The following SERGEF variants were observed in gnomAD, a reference collection of about 807,000 sequenced individuals.
SERGEF encodes the protein secretion-regulating guanine nucleotide exchange factor.
A neutral mutation model predicts 50.0 loss-of-function variants in SERGEF; 51 were observed. The ratio of observed to expected loss-of-function variants is 1.02; its 90% CI spans 0.81 to 1.29. The LOEUF (loss-of-function observed/expected upper bound fraction) is 1.29. Ranked by LOEUF, SERGEF falls within the 50% of genes most tolerant of loss-of-function variation. SERGEF has a pLI of 0.00. For missense variants in SERGEF, 521 were observed against 557.0 expected, an observed-to-expected ratio of 0.94 and a Z score of 0.65; for synonymous variants, 205 against 212.4, an observed-to-expected ratio of 0.97 and a Z score of 0.30.
intron 9 of SERGEF, among the ~76,000 whole-genome samples, chr11:17,906,620 G>A (rs1216218609): frequency 6.6e-6 from 1 of 152,098 alleles, no homozygotes; most frequent in Non-Finnish European, 1.5e-5. Flanking sequence ...GGTACAGGAG[G>A]CCTGTTTCCT....
Position 17,991,275 on chromosome 11 carries a change from A to C in SERGEF, c.685+1656T>G, listed in dbSNP as rs1853707246. 2.0e-5 allele frequency among the ~76,000 whole-genome samples: 3 copies of C among 152,190 alleles called. No homozygotes were observed. Reference sequence around the variant, plus strand: ...TAATTAAAATATTCAACATTTATATATAAATAACACCATAATAAAAGTGCC... The same window carrying C: ...TAATTAAAATATTCAACATTTATATCTAAATAACACCATAATAAAAGTGCC... On this transcript the variant is annotated intron_variant, in intron 7 of 10. Coordinates refer to ENST00000265965, the MANE Select transcript of SERGEF (RefSeq NM_012139.4). This position sits in a 1 kb window ranked among gnomAD's most constrained non-coding sequence, Gnocchi z 4.9.
Position 17,885,629 on chromosome 11 carries a change from T to C in SERGEF, c.1012-7385A>G, listed in dbSNP as rs1255418462. ...ATGACCCACCGTACATGCATGGGCA[T>C]GATCTGATTTTTTTTTTAATTAAAG... On this transcript the variant is annotated intron_variant, in intron 9 of 10. Coordinates refer to ENST00000265965, the MANE Select transcript of SERGEF (RefSeq NM_012139.4). 3.3e-5 allele frequency among the ~76,000 whole-genome samples: 5 copies of C among 151,748 alleles called. No homozygotes were observed. The East Asian group carries it at 6.0e-4, about 18-fold the overall frequency.
At chr11:17,849,068 C>A (rs117950574) in intron 10 of SERGEF, among the ~76,000 whole-genome samples, 199 of 152,282 alleles carry the variant, frequency 1.3e-3, no homozygotes, top group Non-Finnish European at 2.3e-3. Flanking sequence ...CCAATCAATT[C>A]TAAGTATTTT....
At chr11:17,825,866 C>T (rs1246706199) in intron 10 of SERGEF, among the ~76,000 whole-genome samples, 3 of 152,152 alleles carry the variant, frequency 2.0e-5, no homozygotes, top group Non-Finnish European at 4.4e-5. Context: ...AGTCAGTACA[C>T]CTCACTCACA....
chr11:17,874,545 T>C (rs1200770105), intron 10 of SERGEF, among the ~76,000 whole-genome samples: 1 of 152,150 alleles, frequency 6.6e-6, no homozygotes, highest in African/African-American at 2.4e-5. Context: ...CTAAACCAAA[T>C]TTCAAAAGAA....
rs757346154 is a variant in SERGEF, at chr11:17,908,686, TA to T, written c.1012-30443del. On this transcript the variant is annotated intron_variant, in intron 9 of 10. Transcript: ENST00000265965. ...GTTGATGAATGAGTGAGTGAGTAAA[TA>T]AATAAATGCACGTGGGAAACCAAGC... Among the ~76,000 whole-genome samples the T allele has an allele frequency of 1.1e-3, 161 of 152,218 alleles. 2 individuals are homozygous for T. The highest frequency in any genetic ancestry group is 1.3e-3 in the Non-Finnish European group (85 of 67,994).
At chr11:17,980,721 T>C (rs914321680) in intron 8 of SERGEF, among the ~76,000 whole-genome samples, 2 of 152,250 alleles carry the variant, frequency 1.3e-5, no homozygotes, top group Non-Finnish European at 2.9e-5. Flanking sequence ...TTCCAACATA[T>C]GGCTCTGCCA....
chr11:17,928,935 A>G (rs1164302702), intron 9 of SERGEF, among the ~76,000 whole-genome samples: 1 of 152,216 alleles, frequency 6.6e-6, no homozygotes, highest in Non-Finnish European at 1.5e-5. Context: ...ACTAGATGCT[A>G]TTTATATTTT....
chr11:17,854,803 T>TA (rs1850784749), intron 10 of SERGEF: 1 of 152,244 alleles, frequency 6.6e-6, no homozygotes. Context: ...CTTTGACAGG[T>TA]AAAAATTGAT....
At chr11:18,008,986 CTT>C in intron 1 of SERGEF, among the ~76,000 whole-genome samples, 1 of 152,212 alleles carries the variant, frequency 6.6e-6, no homozygotes, top group East Asian at 1.9e-4. Context: ...ACTGTCTCCC[CTT>C]GTCCTTGAGT....
intron 10 of SERGEF, among the ~76,000 whole-genome samples, chr11:17,837,546 T>TG (rs1467984011): frequency 4.6e-5 from 7 of 151,336 alleles, no homozygotes; most frequent in Non-Finnish European, 1.0e-4. Context: ...TTGGCTCCCC[T>TG]TTGTCTTCTG....
chr11:18,003,332 T>C lies in SERGEF; in HGVS notation c.447+1109A>G, dbSNP rs116919184. Among the ~76,000 whole-genome samples the C allele has an allele frequency of 5.5e-4, 84 of 152,366 alleles. No homozygotes were observed. The East Asian group carries it at 0.014, about 25-fold the overall frequency. ...TAAACTTCACAAAAAGGGGTGATTT[T>C]AAGTATGATGCACTGAAGTAAAGAG... On this transcript the variant is annotated intron_variant, in intron 4 of 10. Transcript: ENST00000265965.
intron 9 of SERGEF, among the ~76,000 whole-genome samples, chr11:17,910,614 T>C (rs1263547153): frequency 6.6e-6 from 1 of 152,182 alleles, no homozygotes; most frequent in Non-Finnish European, 1.5e-5. Context: ...GTCTCCCTAA[T>C]ATTTTGCAAA....
chr11:17,867,406 C>T (rs117361223), intron 10 of SERGEF, among the ~76,000 whole-genome samples: 3,827 of 152,386 alleles, frequency 0.025, 73 homozygotes, highest in Non-Finnish European at 0.036. Context: ...CCATGTCTCA[C>T]AGCCAGGTCA....
intron 10 of SERGEF, among the ~76,000 whole-genome samples, chr11:17,820,367 G>A (rs1417702533): frequency 1.3e-5 from 2 of 152,086 alleles, no homozygotes; most frequent in African/African-American, 4.8e-5. Context: ...GTGGCTCCCT[G>A]CAACCCCCTC....
At position 18,006,693 on chromosome 11, in the gene SERGEF, C is replaced by A; in HGVS notation, c.250G>T (p.Gly84Cys). The A allele has an allele frequency of 6.2e-7, 1 of 1,614,180 alleles. No individual in the cohort carries two copies. Among genetic ancestry groups the A allele is most frequent in the South Asian group, 1.1e-5 (1 of 91,072 alleles). Residue 84 changes from glycine (G) to cysteine (C), a missense_variant, in exon 3 of 11, where the codon GGT (glycine) becomes TGT (cysteine). Physicochemically the swap from Gly to Cys is radical, Grantham distance 159. Coordinates refer to ENST00000265965, the MANE Select transcript of SERGEF (RefSeq NM_012139.4). ...AAATATGGGATATCCTCTGTGTGACCAAGCCCCAGTTGCCCATCTTTGTTC... is the reference window on the plus strand; with the variant it reads ...AAATATGGGATATCCTCTGTGTGACAAAGCCCCAGTTGCCCATCTTTGTTC... ...GLNKDGQLGL[G>C]HTEDIPYFTP...
intron 8 of SERGEF, among the ~76,000 whole-genome samples, chr11:17,973,811 G>A (rs1232768179): frequency 6.6e-6 from 1 of 152,184 alleles, no homozygotes; most frequent in Non-Finnish European, 1.5e-5. Flanking sequence ...TCAGGAAGAT[G>A]CCAATGGAGA....
intron 9 of SERGEF, among the ~76,000 whole-genome samples, chr11:17,922,672 G>T (rs893815410): frequency 6.6e-6 from 1 of 152,106 alleles, no homozygotes; most frequent in Non-Finnish European, 1.5e-5. Flanking sequence ...AGAAGCTCTG[G>T]AATCATACCT....
At chr11:17,885,022 C>T (rs1168726719) in intron 9 of SERGEF, among the ~76,000 whole-genome samples, 3 of 152,182 alleles carry the variant, frequency 2.0e-5, no homozygotes, top group Non-Finnish European at 4.4e-5. Context: ...GGTCCAAAGC[C>T]TGTAAGCTAA....
Sources: gnomAD v4.1 joint callset for allele counts (sites outside exome capture counted in the v4.1 genomes callset) on GRCh38, gnomAD v4.1.1 for gene constraint, Gnocchi (gnomAD v3.1) non-coding constraint, MANE v1.5 for transcripts, NCBI Gene and HGNC (gene_info 2026-07-23, HGNC 2026-07-21) for gene names.